Variants in CDC42BPA observed in about 807,000 individuals in gnomAD.
CDC42BPA encodes the protein CDC42 binding protein kinase alpha.
In CDC42BPA, 80 loss-of-function variants were observed where a neutral mutation model predicts 223.5. The observed-to-expected ratio is 0.36, with a 90% CI of 0.30 to 0.43. The LOEUF is 0.43. Among genes scored for constraint, CDC42BPA ranks in the 20% least tolerant of loss-of-function variants. The pLI is 1.00. For synonymous variants in CDC42BPA, 694 were observed against 718.6 expected, an observed-to-expected ratio of 0.97 and a Z score of 0.55; for missense variants, 1,743 against 2,099.9, an observed-to-expected ratio of 0.83 and a Z score of 3.32.
chr1:227,297,749 A>C (rs948949932), intron 1 of CDC42BPA, among the ~76,000 whole-genome samples: 1 of 151,992 alleles, frequency 6.6e-6, no homozygotes, highest in Non-Finnish European at 1.5e-5. Flanking sequence ...TCAGAGAGAC[A>C]GAAAGTAGAT....
In CDC42BPA at chr1:227,245,795, T is replaced by C. The variant is rs181908268; in HGVS notation, c.270+8269A>G. Among the ~76,000 whole-genome samples, 217 of 152,232 alleles carry C rather than the reference T, an allele frequency of 1.4e-3. 1 individual carries two copies. Among genetic ancestry groups the C allele is most frequent in the Non-Finnish European group, 2.2e-3 (153 of 68,008 alleles). On this transcript the variant is annotated intron_variant, in intron 2 of 36. Coordinates refer to ENST00000366766, the MANE Select transcript of CDC42BPA (RefSeq NM_001394014.1). ...TGCTGACTAAAGAGTTCTTGGGCAA[T>C]GAATTGCCACTGGGCACCAGCAATA...
At chr1:227,297,967 T>TATATATATATATATATACACACAC (rs369403944) in intron 1 of CDC42BPA, among the ~76,000 whole-genome samples, 16 of 132,074 alleles carry the variant, frequency 1.2e-4, no homozygotes, top group African/African-American at 3.8e-4. Flanking sequence ...TATATACATA[T>TATATATATATATATATACACACAC]ACACACACAC....
At position 227,145,577 on chromosome 1, in the gene CDC42BPA, C is replaced by T. The variant is rs750566567; in HGVS notation, c.1055G>A (p.Arg352Gln). 13 of 1,613,430 alleles carry T rather than the reference C, an allele frequency of 8.1e-6. No individual in the cohort carries two copies. Among genetic ancestry groups the T allele is most frequent in the Admixed American group, 5.0e-5 (3 of 59,986 alleles). Residue 352 changes from arginine to glutamine, a missense_variant, in exon 8 of 37, where the codon CGG (arginine) becomes CAG (glutamine). Arg to Gln is a conservative substitution (Grantham distance 43). Coordinates refer to ENST00000366766, the MANE Select transcript of CDC42BPA (RefSeq NM_001394014.1). Reference sequence around the variant, plus strand: ...TGGAATATAAGGTGCTTCACAGTTCCGAATATTATCCCAATCAATTCCACT... The same window carrying T: ...TGGAATATAAGGTGCTTCACAGTTCTGAATATTATCCCAATCAATTCCACT... The part of the protein sequence containing the change: ...FFSGIDWDNI[R>Q]NCEAPYIPEV...
At chr1:227,213,757 A>C (rs1306460872) in intron 2 of CDC42BPA, among the ~76,000 whole-genome samples, 1 of 152,110 alleles carries the variant, frequency 6.6e-6, no homozygotes, top group African/African-American at 2.4e-5. Context: ...CCCCCAAACC[A>C]CATACACACA....
rs557356698 is a variant in CDC42BPA, at chr1:227,249,615, C to T, written c.270+4449G>A. Among the ~76,000 whole-genome samples, 16 of 152,170 alleles carry T rather than the reference C, an allele frequency of 1.1e-4. No individual in the cohort carries two copies. In the South Asian group the frequency reaches 3.3e-3, roughly 32 times the overall value. ...ACTCTATAGGAAACAATCTGATAAT[C>T]CAATTTTTAAAATGGGCTAAAGATT... On this transcript the variant is annotated intron_variant, in intron 2 of 36. Coordinates refer to ENST00000366766, the MANE Select transcript of CDC42BPA (RefSeq NM_001394014.1).
Position 227,193,871 on chromosome 1 carries a change from T to C in CDC42BPA, c.514A>G (p.Arg172Gly). ...AATCTAGCCATATCTTCAGGCAATC[T>C]ATCTTCAAATTTGCTGAGTAGAGTA... Reference protein sequence around the residue: ...LLTLLSKFEDRLPEDMARFYL... With the variant: ...LLTLLSKFEDGLPEDMARFYL... The change falls in exon 5 of 37, where the codon AGA becomes GGA. Residue 172 changes from arginine (R) to glycine (G), a missense_variant. Transcript: ENST00000366766. 1 of 1,613,418 alleles carries C rather than the reference T, an allele frequency of 6.2e-7. No homozygotes were observed. The highest frequency in any genetic ancestry group is 8.5e-7 in the Non-Finnish European group (1 of 1,179,582).
intron 14 of CDC42BPA, among the ~76,000 whole-genome samples, chr1:227,107,596 T>C (rs933754391): frequency 1.3e-5 from 2 of 152,202 alleles, no homozygotes; most frequent in Admixed American, 6.5e-5. Context: ...TGGGAAGGAT[T>C]GCTGTTAATT....
intron 1 of CDC42BPA, among the ~76,000 whole-genome samples, chr1:227,308,126 CATCCTT>C: frequency 6.6e-6 from 1 of 152,238 alleles, no homozygotes; most frequent in Non-Finnish European, 1.5e-5. Context: ...TAGTTATTTA[CATCCTT>C]ATATTAGTAT....
intron 21 of CDC42BPA, among the ~76,000 whole-genome samples, chr1:227,067,084 T>C (rs1021509225): frequency 6.6e-6 from 1 of 152,192 alleles, no homozygotes; most frequent in African/African-American, 2.4e-5. Context: ...AGGAGTTCCC[T>C]TGCAGTGCAA....
At chr1:227,220,818 TCCTGGATATCAATTGAAAAA>T (rs1255275429) in intron 2 of CDC42BPA, among the ~76,000 whole-genome samples, 6 of 152,182 alleles carry the variant, frequency 3.9e-5, no homozygotes, top group Non-Finnish European at 7.4e-5. Flanking sequence ...TCCCCCTTTC[TCCTGGATATCAATTGAAAAA>T]CTTTTCCAAG....
At chr1:227,188,605 T>C (rs913884641) in intron 5 of CDC42BPA, among the ~76,000 whole-genome samples, 8 of 152,184 alleles carry the variant, frequency 5.3e-5, no homozygotes, top group African/African-American at 1.9e-4. Context: ...CTGAAAAGTC[T>C]ATAAACTGTA....
chr1:227,137,395 C>T (rs1176030416), intron 10 of CDC42BPA, among the ~76,000 whole-genome samples: 4 of 152,010 alleles, frequency 2.6e-5, no homozygotes, highest in Admixed American at 6.6e-5. Flanking sequence ...GACAGTAGAA[C>T]TCATACATTA....
chr1:227,297,905 C>T (rs79851475), intron 1 of CDC42BPA, among the ~76,000 whole-genome samples: 21,604 of 148,110 alleles, frequency 0.15, 1,926 homozygotes, highest in African/African-American at 0.23. Context: ...CCAAATAATA[C>T]ACTTTAAAGG....
At chr1:227,219,526 T>C (rs1675460102) in intron 2 of CDC42BPA, 1 of 152,346 alleles carries the variant, frequency 6.6e-6, no homozygotes. Context: ...TTCAATTATA[T>C]CTTGCTCACT....
At position 227,031,378 on chromosome 1, in the gene CDC42BPA, T is replaced by C; in HGVS notation, c.3695A>G (p.Asp1232Gly). Residue 1232 changes from aspartate to glycine, a missense_variant, in exon 28 of 37, where the codon GAC (aspartate) becomes GGC (glycine). Physicochemically the swap from Asp to Gly is moderately conservative, Grantham distance 94. This residue lies in a region of CDC42BPA where 678 missense variants were observed against 777.5 expected (regional missense o/e 0.87). Coordinates refer to ENST00000366766, the MANE Select transcript of CDC42BPA (RefSeq NM_001394014.1). ...HKILKKNKFR[D>G]RSVYVPKEAY... The stretch of plus-strand genomic sequence containing the variant: ...CTCTTTGGGAACATAGACTGAGCGG[T>C]CTCTGAATTTGTTTTTCTTCAAAAT... 7 of 1,614,096 alleles carry C rather than the reference T, an allele frequency of 4.3e-6. No individual in the cohort carries two copies. Among genetic ancestry groups the C allele is most frequent in the Non-Finnish European group, 5.9e-6 (7 of 1,180,004 alleles).
intron 16 of CDC42BPA, among the ~76,000 whole-genome samples, chr1:227,082,801 C>T (rs1572694275): frequency 2.0e-5 from 3 of 149,642 alleles, no homozygotes; most frequent in East Asian, 3.9e-4. Flanking sequence ...TTCTGGAAGG[C>T]ATTTTTTGCT....
intron 15 of CDC42BPA, among the ~76,000 whole-genome samples, chr1:227,094,311 A>G (rs1225902421): frequency 6.6e-6 from 1 of 152,340 alleles, no homozygotes; most frequent in African/African-American, 2.4e-5. Context: ...TCTTGAGGCC[A>G]CTTGCTATGT....
At chr1:227,222,578 A>G (rs1477286158) in intron 2 of CDC42BPA, among the ~76,000 whole-genome samples, 1 of 152,168 alleles carries the variant, frequency 6.6e-6, no homozygotes, top group Non-Finnish European at 1.5e-5. Context: ...CGTTCCAGAG[A>G]GGGTCCTGCC....
intron 3 of CDC42BPA, among the ~76,000 whole-genome samples, chr1:227,201,972 T>C (rs1421792689): frequency 6.6e-6 from 1 of 152,196 alleles, no homozygotes; most frequent in African/African-American, 2.4e-5. Flanking sequence ...AACAATTAAA[T>C]TACTAAAATC....
Sources: allele counts gnomAD v4.1 joint callset (sites outside exome capture counted in the v4.1 genomes callset), GRCh38; gene constraint gnomAD v4.1.1; regional missense constraint gnomAD v4.1.1; transcripts MANE v1.5; gene names NCBI Gene and HGNC (gene_info 2026-07-23, HGNC 2026-07-21).